The following PARP11 variants were observed in gnomAD, a reference collection of about 807,000 sequenced individuals.
PARP11 encodes protein mono-ADP-ribosyltransferase PARP11.
In PARP11, 31 loss-of-function variants were observed where a neutral mutation model predicts 42.9. The observed-to-expected ratio is 0.72, with a 90% CI of 0.54 to 0.98. The LOEUF (loss-of-function observed/expected upper bound fraction) is 0.98. Ranked by LOEUF, PARP11 falls within the 50% of genes least tolerant of loss-of-function variation. PARP11 has a pLI of 0.00. For missense variants in PARP11, 365 were observed against 413.1 expected, an observed-to-expected ratio of 0.88 and a Z score of 1.01; for synonymous variants, 137 against 127.3, an observed-to-expected ratio of 1.08 and a Z score of -0.51.
At chr12:3,824,567 C>T in intron 4 of PARP11, 5 of 835,360 alleles carry the variant, frequency 6.0e-6, no homozygotes, top group Non-Finnish European at 7.2e-6. Context: ...CTTCAACACC[C>T]TATTGTATCT....
rs7956777 is a variant in PARP11 at position 3,828,132 on chromosome 12, C to T, written c.268+778G>A. On this transcript the variant is annotated intron_variant, in intron 3 of 7. Transcript: ENST00000228820. ...ATCAGAAAATGACAGAAGGCAATGT[C>T]CATTAAAGAAATTGTTTTCTGACAA... Among the ~76,000 whole-genome samples, 2,648 of 152,238 alleles carry T rather than the reference C, an allele frequency of 0.017. 139 individuals carry two copies. In the South Asian group the frequency reaches 0.18, roughly 10 times the overall value.
intron 1 of PARP11, among the ~76,000 whole-genome samples, chr12:3,854,561 A>G (rs1948158924): frequency 6.6e-6 from 1 of 152,208 alleles, no homozygotes; most frequent in Admixed American, 6.5e-5. Flanking sequence ...TCCTGGACAT[A>G]TACACCCTCC....
At chr12:3,835,422 A>G (rs1264392848) in intron 1 of PARP11, among the ~76,000 whole-genome samples, 2 of 152,216 alleles carry the variant, frequency 1.3e-5, no homozygotes, top group Admixed American at 1.3e-4. Flanking sequence ...AATAGGGATC[A>G]GTATCCAGAG....
Position 3,840,868 on chromosome 12 carries a change from CAT to C in PARP11, c.19-10852_19-10851del. 2 of 1,599,412 alleles carry C rather than the reference CAT, an allele frequency of 1.3e-6. No homozygotes were observed. The highest frequency in any genetic ancestry group is 1.1e-5 in the South Asian group (1 of 90,790). On this transcript the variant is annotated intron_variant, in intron 1 of 7. Transcript: ENST00000228820. This position sits in a 1 kb window ranked among gnomAD's most constrained non-coding sequence, Gnocchi z 4.4. Reference sequence around the variant, plus strand: ...TCCTGCAGAACAAAAGCCAGCAGAACATGTGTCTTTGTCAAATCCAGCTCCCC... The same window carrying C: ...TCCTGCAGAACAAAAGCCAGCAGAACGTGTCTTTGTCAAATCCAGCTCCCC...
chr12:3,819,887 T>C (rs1184472956), intron 6 of PARP11, among the ~76,000 whole-genome samples: 1 of 152,156 alleles, frequency 6.6e-6, no homozygotes, highest in African/African-American at 2.4e-5. Context: ...TCTACCTAAT[T>C]TCTGTTCAAT....
intron 1 of PARP11, among the ~76,000 whole-genome samples, chr12:3,859,292 C>T (rs190418299): frequency 1.3e-4 from 19 of 151,978 alleles, no homozygotes; most frequent in African/African-American, 4.1e-4. Flanking sequence ...TAGGCCGGTG[C>T]AGTGGCTCAC....
chr12:3,857,065 G>A (rs1948204458), intron 1 of PARP11, among the ~76,000 whole-genome samples: 2 of 151,838 alleles, frequency 1.3e-5, no homozygotes, highest in Non-Finnish European at 2.9e-5. Context: ...ACTCATAAGT[G>A]GGATTGAACA....
intron 1 of PARP11, among the ~76,000 whole-genome samples, chr12:3,860,191 C>T (rs1184881748): frequency 6.6e-6 from 1 of 152,022 alleles, no homozygotes; most frequent in African/African-American, 2.4e-5. Context: ...TGGATGTGGA[C>T]CGCCCCAGCA....
Position 3,825,720 on chromosome 12 carries a change from T to A in PARP11, c.344+438A>T, listed in dbSNP as rs535429281. Among the ~76,000 whole-genome samples the A allele has an allele frequency of 7.3e-4, 111 of 152,284 alleles. 1 individual carries two copies. Among genetic ancestry groups the A allele is most frequent in the African/African-American group, 2.2e-3 (91 of 41,546 alleles). ...ACAAATGAGAGATTTGATATTTTTT[T>A]AATTAATTAGTTTATTTTTTTGAGA... On this transcript the variant is annotated intron_variant, in intron 4 of 7. Coordinates refer to ENST00000228820, the MANE Select transcript of PARP11 (RefSeq NM_020367.6).
chr12:3,852,930 A>G (rs1372939857), intron 1 of PARP11, among the ~76,000 whole-genome samples: 2 of 152,196 alleles, frequency 1.3e-5, no homozygotes, highest in Non-Finnish European at 2.9e-5. Context: ...CTAACAGTGG[A>G]TCTCTCGGCA....
chr12:3,823,441 C>A (rs1296852644), intron 4 of PARP11, among the ~76,000 whole-genome samples: 1 of 152,158 alleles, frequency 6.6e-6, no homozygotes, highest in African/African-American at 2.4e-5. Flanking sequence ...AGAGATCTTT[C>A]TGTAACAGTG....
At chr12:3,828,544 C>CAA (rs543241542) in intron 3 of PARP11, among the ~76,000 whole-genome samples, 1,003 of 75,904 alleles carry the variant, frequency 0.013, 8 homozygotes, top group African/African-American at 0.035. Context: ...TGAGACGTCT[C>CAA]AAAAAAAAAA....
intron 1 of PARP11, chr12:3,840,000 G>C: frequency 1.9e-6 from 3 of 1,587,970 alleles, no homozygotes; most frequent in Middle Eastern, 1.7e-4. Context: ...AGCAGCTGAA[G>C]AACAATGGGA....
At chr12:3,836,668 G>A (rs938082878) in intron 1 of PARP11, among the ~76,000 whole-genome samples, 1 of 152,158 alleles carries the variant, frequency 6.6e-6, no homozygotes, top group African/African-American at 2.4e-5. Flanking sequence ...AGCTGGCTTT[G>A]CTCCCTGCCC....
intron 1 of PARP11, among the ~76,000 whole-genome samples, chr12:3,852,378 A>G (rs1031132287): frequency 3.3e-5 from 5 of 152,204 alleles, no homozygotes; most frequent in Non-Finnish European, 7.3e-5. Flanking sequence ...CAAGGAAGCT[A>G]AAAACCTTGA....
intron 1 of PARP11, chr12:3,841,169 A>G (rs1029491679): frequency 3.1e-6 from 5 of 1,587,492 alleles, no homozygotes; most frequent in African/African-American, 1.3e-5. Flanking sequence ...GACCCACTCT[A>G]TCCTGGGTTT....
At chr12:3,823,263 G>A (rs962428062) in intron 4 of PARP11, among the ~76,000 whole-genome samples, 28 of 152,148 alleles carry the variant, frequency 1.8e-4, no homozygotes, top group African/African-American at 6.0e-4. Context: ...CCAGTCCCTG[G>A]TATGTCCAAG....
chr12:3,841,900 G>C, intron 1 of PARP11: 1 of 1,608,230 alleles, frequency 6.2e-7, no homozygotes, highest in Non-Finnish European at 8.5e-7. Flanking sequence ...TTCCACAGTA[G>C]ATGAGTTTCC....
At chr12:3,865,302 T>C (rs1334370814) in intron 1 of PARP11, among the ~76,000 whole-genome samples, 1 of 152,164 alleles carries the variant, frequency 6.6e-6, no homozygotes, top group East Asian at 1.9e-4. Flanking sequence ...CTCTATGTAG[T>C]TGGAAAAAAA....
Sources: gnomAD v4.1 joint callset for allele counts (sites outside exome capture counted in the v4.1 genomes callset) on GRCh38, gnomAD v4.1.1 for gene constraint, Gnocchi (gnomAD v3.1) non-coding constraint, MANE v1.5 for transcripts, NCBI Gene and HGNC (gene_info 2026-07-23, HGNC 2026-07-21) for gene names.